Variants in TBXAS1 observed in about 807,000 individuals in gnomAD.
The protein encoded by TBXAS1 is thromboxane-A synthase.
A neutral mutation model predicts 60.7 loss-of-function variants in TBXAS1; 48 were observed. The ratio of observed to expected loss-of-function variants is 0.79; its 90% confidence interval spans 0.63 to 1.01. The LOEUF (loss-of-function observed/expected upper bound fraction) is 1.01. Ranked by LOEUF, TBXAS1 falls within the 50% of genes least tolerant of loss-of-function variation. The probability of loss-of-function intolerance (pLI) is 0.00; values close to 1 mark genes in which losing one functional copy is unlikely to be tolerated. For synonymous variants in TBXAS1, 287 were observed against 269.7 expected, an observed-to-expected ratio of 1.06 and a Z score of -0.63; for missense variants, 685 against 686.3, an observed-to-expected ratio of 1.00 and a Z score of 0.02.
intron 4 of TBXAS1, among the ~76,000 whole-genome samples, chr7:139,813,606 G>A (rs934396037): frequency 7.9e-5 from 12 of 152,314 alleles, no homozygotes; most frequent in Admixed American, 3.3e-4. Context: ...CGGACCTTTG[G>A]TTGGGTCCCT....
rs1016379490 is a variant in TBXAS1 at position 139,818,911 on chromosome 7, A to G, written c.-79-10401A>G. 3.3e-5 allele frequency among the ~76,000 whole-genome samples: 5 copies of G among 152,182 alleles called. No homozygotes were observed. The East Asian group carries it at 9.6e-4, about 29-fold the overall frequency. ...GAGAGAGAGTTGGGAATACTGGGTCAGATGCCATCATACCAGCATCTCAGA... is the reference window on the plus strand; with the variant it reads ...GAGAGAGAGTTGGGAATACTGGGTCGGATGCCATCATACCAGCATCTCAGA... On this transcript the variant is annotated intron_variant, in intron 4 of 16. Coordinates refer to the TBXAS1 transcript ENST00000336425.
intron 5 of TBXAS1, among the ~76,000 whole-genome samples, chr7:139,947,873 T>C (rs980218780): frequency 9.4e-4 from 143 of 152,232 alleles, no homozygotes; most frequent in Non-Finnish European, 1.5e-3. Flanking sequence ...ACAGACTTTT[T>C]TTTTTTTTTG....
intron 3 of TBXAS1, among the ~76,000 whole-genome samples, chr7:139,895,670 T>C (rs1162352933): frequency 1.3e-5 from 2 of 152,234 alleles, no homozygotes; most frequent in Non-Finnish European, 1.5e-5. Context: ...CTGGACGACA[T>C]GTCTTGATGT....
intron 9 of TBXAS1, among the ~76,000 whole-genome samples, chr7:139,995,695 G>T (rs1200295670): frequency 6.6e-6 from 1 of 152,206 alleles, no homozygotes; most frequent in Non-Finnish European, 1.5e-5. Flanking sequence ...CCTGCCCCAC[G>T]TGGAGTCAGA....
At chr7:139,858,412 A>G (rs766061310) in intron 1 of TBXAS1, among the ~76,000 whole-genome samples, 13 of 152,340 alleles carry the variant, frequency 8.5e-5, no homozygotes, top group African/African-American at 2.9e-4. Context: ...CAAATATCCA[A>G]TAGTCAGACA....
chr7:139,875,151 T>A (rs758698350), intron 2 of TBXAS1, among the ~76,000 whole-genome samples: 1 of 152,156 alleles, frequency 6.6e-6, no homozygotes, highest in East Asian at 1.9e-4. Context: ...GTCTTATATA[T>A]CTTAAACATG....
intron 3 of TBXAS1, among the ~76,000 whole-genome samples, chr7:139,878,050 A>G (rs1802380734): frequency 6.6e-6 from 1 of 151,910 alleles, no homozygotes; most frequent in Admixed American, 6.6e-5. Context: ...TTTAAAAATA[A>G]TTTGTAAATG....
intron 1 of TBXAS1, among the ~76,000 whole-genome samples, chr7:139,841,418 C>T (rs1055350649): frequency 4.6e-5 from 7 of 151,704 alleles, no homozygotes; most frequent in African/African-American, 1.7e-4. Flanking sequence ...TTTAGAAATA[C>T]ATTTTAAAGG....
In TBXAS1 at chr7:139,936,217, A is replaced by T; in HGVS notation, c.360A>T (p.Val120=). 6.2e-7 allele frequency: 1 copy of T among 1,614,222 alleles called. No homozygotes were observed. The change falls in exon 5 of 13, where the codon GTA becomes GTT. Residue 120 remains valine, a synonymous_variant. Coordinates refer to ENST00000448866, the MANE Select transcript of TBXAS1 (RefSeq NM_001061.7). ...RMASGLEFKS[V]ADSVLFLRDK... ...CGTCGGGTTTGGAGTTCAAGTCGGT[A>T]GCCGACAGCGTTCTGTTTTTACGTG...
At chr7:139,821,519 C>T (rs1213984318) in intron 4 of TBXAS1, among the ~76,000 whole-genome samples, 1 of 152,184 alleles carries the variant, frequency 6.6e-6, no homozygotes, top group Non-Finnish European at 1.5e-5. Context: ...ATGACATAGA[C>T]CTTAAAACTG....
intron 9 of TBXAS1, among the ~76,000 whole-genome samples, chr7:139,972,874 G>A (rs985586508): frequency 2.6e-5 from 4 of 152,094 alleles, no homozygotes; most frequent in Admixed American, 6.5e-5. Flanking sequence ...GTGAGAAATA[G>A]GTGTTGAGAA....
intron 1 of TBXAS1, among the ~76,000 whole-genome samples, chr7:139,855,130 C>T (rs902929976): frequency 2.0e-5 from 3 of 152,138 alleles, no homozygotes; most frequent in African/African-American, 7.2e-5. Flanking sequence ...GCAGAGTCCC[C>T]ACCAGCAAGA....
intron 3 of TBXAS1, among the ~76,000 whole-genome samples, chr7:139,890,930 A>G (rs1372189500): frequency 1.3e-5 from 2 of 151,858 alleles, no homozygotes; most frequent in African/African-American, 2.4e-5. Flanking sequence ...CAAATTGTGC[A>G]TTATCATTTC....
At chr7:140,019,608 CTCA>C (rs1376880496) in intron 12 of TBXAS1, among the ~76,000 whole-genome samples, 1 of 152,206 alleles carries the variant, frequency 6.6e-6, no homozygotes, top group Non-Finnish European at 1.5e-5. Context: ...TAGCCACTGG[CTCA>C]TCATTTTACT....
At position 140,017,685 on chromosome 7, in the gene TBXAS1, C is replaced by T; in HGVS notation, c.1379C>T (p.Ala460Val). The change falls in exon 12 of 13, where the codon GCC (alanine) becomes GTC (valine). Residue 460 changes from alanine to valine, a missense_variant. Transcript: ENST00000448866. ...CGGACCTGCAGGTTCACGGCTGAGG[C>T]CCGGCAGCAGCACCGGCCCTTCACG... ...TFNPERFTAE[A>V]RQQHRPFTYL... 6.2e-7 allele frequency: 1 copy of T among 1,613,208 alleles called. No homozygotes were observed. The highest frequency in any genetic ancestry group is 8.5e-7 in the Non-Finnish European group (1 of 1,179,792).
intron 9 of TBXAS1, among the ~76,000 whole-genome samples, chr7:140,000,661 A>C (rs1303787910): frequency 1.4e-5 from 2 of 145,866 alleles, no homozygotes; most frequent in Non-Finnish European, 3.0e-5. Context: ...TGAGAATGTA[A>C]ATCACTAGGT....
chr7:139,905,059 C>CTTTCTTTCTTTCTT lies in TBXAS1; in HGVS notation c.237-6165_237-6164insTTCTTTCTTTCTTT, dbSNP rs56752847. Among the ~76,000 whole-genome samples, 299 of 113,818 alleles carry CTTTCTTTCTTTCTT rather than the reference C, an allele frequency of 2.6e-3. 1 individual carries two copies. Among genetic ancestry groups the CTTTCTTTCTTTCTT allele is most frequent in the South Asian group, 4.6e-3 (15 of 3,234 alleles). 74.7% of individuals were successfully genotyped at this position (113,818 alleles called of 152,430 possible). On this transcript the variant is annotated intron_variant, in intron 3 of 12. Transcript: ENST00000448866. ...TCTTTCTTTCTTTCTTTCTTTCTTT[C>CTTTCTTTCTTTCTT]TCTCTCTCTCTCTCTCTTTCTCTTT...
intron 4 of TBXAS1, among the ~76,000 whole-genome samples, chr7:139,917,014 G>A (rs1350545150): frequency 6.6e-6 from 1 of 152,212 alleles, no homozygotes; most frequent in Non-Finnish European, 1.5e-5. Context: ...ACACTCAGAT[G>A]TTCAAACATG....
chr7:139,866,310 G>A (rs1042166499), intron 1 of TBXAS1, among the ~76,000 whole-genome samples: 1 of 152,072 alleles, frequency 6.6e-6, no homozygotes, highest in African/African-American at 2.4e-5. Context: ...AACACGCTAA[G>A]TATTTGACAA....
Sources: gnomAD v4.1 joint callset for allele counts (sites outside exome capture counted in the v4.1 genomes callset) on GRCh38, gnomAD v4.1.1 for gene constraint, MANE v1.5 for transcripts, NCBI Gene and HGNC (gene_info 2026-07-23, HGNC 2026-07-21) for gene names.